The following C19orf18 variants were observed in gnomAD, a reference collection of about 807,000 sequenced individuals.
The protein encoded by C19orf18 is uncharacterized protein C19orf18.
C19orf18 carries 21 observed loss-of-function variants against 23.3 expected under a neutral mutation model. The observed-to-expected ratio is 0.90, with a 90% CI of 0.64 to 1.30. The LOEUF is 1.30. C19orf18 is among the 50% of genes most tolerant of loss of function. The probability of loss-of-function intolerance (pLI) is 0.00; values close to 1 mark genes in which losing one functional copy is unlikely to be tolerated. For synonymous variants in C19orf18, 96 were observed against 95.2 expected (o/e 1.01, Z -0.05); for missense variants, 249 against 259.6 (o/e 0.96, Z 0.28).
intron 3 of C19orf18, 96 bp from the exon 4 acceptor site, chr19:57,966,728 C>G (rs755310647): frequency 3.8e-5 from 29 of 770,994 alleles, no homozygotes; most frequent in Non-Finnish European, 5.4e-5. Flanking sequence ...GAATGGAAGT[C>G]AAAACCAGAA....
chr19:57,965,337 A>C (rs1452058486), intron 4 of C19orf18, among the ~76,000 whole-genome samples: 1 of 151,780 alleles, frequency 6.6e-6, no homozygotes, highest in Non-Finnish European at 1.5e-5. Context: ...GTTTCACTAT[A>C]TTGGCCAGGC....
At position 57,958,505 on chromosome 19, in the gene C19orf18, A is replaced by G; in HGVS notation, c.*97T>C. ...ATTTCTTTCTTTGATGTCCTCTTCC[A>G]TAAGGTTCTCTGGGAGCAAGCCACG... On this transcript the variant is annotated 3_prime_UTR_variant, in exon 6 of 6. Transcript: ENST00000314391. The G allele has an allele frequency of 1.3e-6, 1 of 763,556 alleles. No individual in the cohort carries two copies. The highest frequency in any genetic ancestry group is 2.1e-6 in the Non-Finnish European group (1 of 469,472). 47.3% of individuals were successfully genotyped at this position (763,556 alleles called of 1,614,324 possible). A position where few individuals can be genotyped will look rare whatever the true frequency, so the allele number is the denominator to read the frequency against.
chr19:57,970,385 C>A (rs551618401), intron 3 of C19orf18, among the ~76,000 whole-genome samples: 3 of 152,298 alleles, frequency 2.0e-5, no homozygotes, highest in African/African-American at 7.2e-5. Context: ...AGTCTCTGCA[C>A]ATATAAGTGA....
intron 4 of C19orf18, 134 bp from the exon 5 acceptor site, chr19:57,961,685 AATC>A: frequency 1.1e-6 from 1 of 935,266 alleles, no homozygotes; most frequent in South Asian, 1.6e-5. Context: ...AAACCAGACT[AATC>A]ATGGTCAGCT....
intron 3 of C19orf18, among the ~76,000 whole-genome samples, chr19:57,971,556 C>T (rs1568568793): frequency 6.6e-6 from 1 of 152,156 alleles, no homozygotes; most frequent in Non-Finnish European, 1.5e-5. Context: ...CTGCAACCTC[C>T]ACCTCCCAGG....
At chr19:57,964,548 T>C (rs985639052) in intron 4 of C19orf18, among the ~76,000 whole-genome samples, 2 of 152,144 alleles carry the variant, frequency 1.3e-5, no homozygotes, top group Non-Finnish European at 2.9e-5. Context: ...TCCCAAAGTG[T>C]TGGGATCACA....
chr19:57,967,999 G>A (rs112644210), intron 3 of C19orf18, among the ~76,000 whole-genome samples: 32 of 149,480 alleles, frequency 2.1e-4, no homozygotes, highest in African/African-American at 5.5e-4. Flanking sequence ...GCAACAGAGC[G>A]AGACCCTGTC....
At chr19:57,962,219 T>C (rs2072878550) in intron 4 of C19orf18, among the ~76,000 whole-genome samples, 1 of 151,950 alleles carries the variant, frequency 6.6e-6, no homozygotes, top group Non-Finnish European at 1.5e-5. Context: ...TTTTTTTTTT[T>C]AGAAATTGCG....
chr19:57,963,413 T>C (rs1335202785), intron 4 of C19orf18, among the ~76,000 whole-genome samples: 2 of 152,024 alleles, frequency 1.3e-5, no homozygotes, highest in African/African-American at 4.8e-5. Context: ...TAAACAGAGA[T>C]AGGATCCAAA....
rs752670588 is a variant in C19orf18 at position 57,966,544 on chromosome 19, G to T, written c.357C>A (p.Ile119=). The T allele has an allele frequency of 5.0e-6, 8 of 1,602,964 alleles. No individual in the cohort carries two copies. The highest frequency in any genetic ancestry group is 1.1e-5 in the South Asian group (1 of 90,854). ...CAGATACTTACTATATCATATAGGA[G>T]ATTGCCATCCCACATATCAGGGCAA... ...FSIALICGMA[I]SYMIYRLAQA... is the part of the protein sequence containing the mutation. Residue 119 remains isoleucine, a synonymous_variant, in exon 4 of 6, where the codon ATC becomes ATA. Coordinates refer to ENST00000314391, the MANE Select transcript of C19orf18 (RefSeq NM_152474.5).
At chr19:57,961,275 AAAGG>A (rs1384642555) in intron 5 of C19orf18, 112 bp downstream of exon 5, 6 of 1,107,294 alleles carry the variant, frequency 5.4e-6, no homozygotes, top group Non-Finnish European at 7.6e-6. Context: ...AGAAAGAAAG[AAAGG>A]AAAGAAAGAA....
intron 1 of C19orf18, 25 bp from the exon 2 acceptor site, chr19:57,974,228 G>T (rs546060386): frequency 1.9e-6 from 3 of 1,613,270 alleles, no homozygotes; most frequent in Admixed American, 3.3e-5. Context: ...TTTTTGCGGT[G>T]AAATGTAATT....
At chr19:57,962,056 G>A (rs1333570702) in intron 4 of C19orf18, among the ~76,000 whole-genome samples, 2 of 148,912 alleles carry the variant, frequency 1.3e-5, no homozygotes, top group Non-Finnish European at 1.5e-5. Flanking sequence ...TTGGAACAGG[G>A]TCTCATTCTG....
At chr19:57,965,344 A>C (rs1430153535) in intron 4 of C19orf18, among the ~76,000 whole-genome samples, 1 of 152,038 alleles carries the variant, frequency 6.6e-6, no homozygotes, top group African/African-American at 2.4e-5. Context: ...TATATTGGCC[A>C]GGCTAGTCTT....
chr19:57,961,686 ATCATGG>A (rs2072873140), intron 4 of C19orf18, 135 bp from the exon 5 acceptor site: 3 of 927,878 alleles, frequency 3.2e-6, no homozygotes, highest in Non-Finnish European at 4.8e-6. Flanking sequence ...AACCAGACTA[ATCATGG>A]TCAGCTCTCA....
intron 4 of C19orf18, among the ~76,000 whole-genome samples, chr19:57,966,032 C>CA (rs1411767514): frequency 6.6e-6 from 1 of 150,722 alleles, no homozygotes; most frequent in Non-Finnish European, 1.5e-5. Context: ...GGCTGGAGTG[C>CA]AGTGGCACGA....
At chr19:57,964,499 C>T (rs2072895283) in intron 4 of C19orf18, among the ~76,000 whole-genome samples, 1 of 152,150 alleles carries the variant, frequency 6.6e-6, no homozygotes, top group South Asian at 2.1e-4. Flanking sequence ...CCACGCTGGT[C>T]TCAAACACCT....
At chr19:57,960,319 G>C (rs1191165139) in intron 5 of C19orf18, among the ~76,000 whole-genome samples, 1 of 151,274 alleles carries the variant, frequency 6.6e-6, no homozygotes, top group Non-Finnish European at 1.5e-5. Context: ...CCAGCTACTC[G>C]GGAGGCTGAG....
rs1450969118 is a variant in C19orf18, at chr19:57,961,310, C to G, written c.532+81G>C. 19 of 1,352,562 alleles carry G rather than the reference C, an allele frequency of 1.4e-5. No individual in the cohort carries two copies. The East Asian group carries it at 4.3e-4, about 31-fold the overall frequency. 83.8% of individuals were successfully genotyped at this position (1,352,562 alleles called of 1,614,324 possible). A position where few individuals can be genotyped will look rare whatever the true frequency, so the allele number is the denominator to read the frequency against. On this transcript the variant is annotated intron_variant, in intron 5 of 5. Transcript: ENST00000314391. ...AAGAAAGAAAAGAAATGCAAGCCACCGCTGAGAAAGAAAGAAAAGAAACGC... is the reference window on the plus strand; with the variant it reads ...AAGAAAGAAAAGAAATGCAAGCCACGGCTGAGAAAGAAAGAAAAGAAACGC...
Sources: gnomAD v4.1 joint callset for allele counts (sites outside exome capture counted in the v4.1 genomes callset) on GRCh38, gnomAD v4.1.1 for gene constraint, MANE v1.5 for transcripts, NCBI Gene and HGNC (gene_info 2026-07-23, HGNC 2026-07-21) for gene names.